METTL24: variants seen among roughly 807,000 people sequenced by gnomAD.
The protein encoded by METTL24 is methyltransferase like 24, also known as probable methyltransferase-like protein 24.
Under a neutral mutation model 32.7 loss-of-function variants are expected in METTL24, and 29 were observed. The ratio of observed to expected loss-of-function variants is 0.89; its 90% confidence interval spans 0.66 to 1.21. METTL24 has a LOEUF of 1.21. Among genes scored for constraint, METTL24 ranks in the 50% most tolerant of loss-of-function variants. The probability of loss-of-function intolerance (pLI) is 0.00; values close to 1 mark genes in which losing one functional copy is unlikely to be tolerated. For missense variants in METTL24, 439 were observed against 468.1 expected, an observed-to-expected ratio of 0.94 and a Z score of 0.57; for synonymous variants, 163 against 179.5, an observed-to-expected ratio of 0.91 and a Z score of 0.73.
intron 1 of METTL24, among the ~76,000 whole-genome samples, chr6:110,344,097 A>G (rs376770354): frequency 8.5e-5 from 13 of 152,312 alleles, no homozygotes; most frequent in African/African-American, 3.1e-4. Context: ...CTGCCCAACA[A>G]TGCAACGGTT....
At chr6:110,274,443 A>G (rs1197035889) in intron 4 of METTL24, among the ~76,000 whole-genome samples, 1 of 152,180 alleles carries the variant, frequency 6.6e-6, no homozygotes, top group Non-Finnish European at 1.5e-5. Context: ...CTCACTTATA[A>G]GTGGGACTAA....
At position 110,322,891 on chromosome 6, in the gene METTL24, A is replaced by G; in HGVS notation, c.319-19T>C. 1.9e-6 allele frequency: 3 copies of G among 1,542,174 alleles called. No homozygotes were observed. Among genetic ancestry groups the G allele is most frequent in the Non-Finnish European group, 2.6e-6 (3 of 1,149,538 alleles). ...GGGGACCCTGCAAGAGACAGAAAAC[A>G]TAGGTTGTGTGTAAGGAAGAGGAAC... On this transcript the variant is annotated intron_variant, in intron 1 of 4. Coordinates refer to ENST00000338882, the MANE Select transcript of METTL24 (RefSeq NM_001123364.3).
In METTL24 at chr6:110,249,435, G is replaced by T. The variant is rs552990688; in HGVS notation, c.787-3175C>A. 9.2e-5 allele frequency among the ~76,000 whole-genome samples: 5 copies of T among 54,452 alleles called. No homozygotes were observed. In the South Asian group the frequency reaches 2.9e-3, roughly 31 times the overall value. The allele number at this position is 54,452 out of a possible 152,430, so 35.7% of individuals were successfully genotyped here. On this transcript the variant is annotated intron_variant, in intron 4 of 4. Coordinates refer to ENST00000338882, the MANE Select transcript of METTL24 (RefSeq NM_001123364.3). Reference sequence around the variant, plus strand: ...AGTTGATCTAAATCATGCAGCCCAGGGGGAGCACAGAAGCTCTTCTCTGCC... The same window carrying T: ...AGTTGATCTAAATCATGCAGCCCAGTGGGAGCACAGAAGCTCTTCTCTGCC...
chr6:110,318,583 C>T (rs1191335870), intron 2 of METTL24, among the ~76,000 whole-genome samples: 2 of 142,932 alleles, frequency 1.4e-5, no homozygotes, highest in Admixed American at 7.4e-5. Context: ...ACCGGGAGGG[C>T]GGAGGTTGCA....
In METTL24 at chr6:110,315,423, T is replaced by C; in HGVS notation, c.476A>G (p.Lys159Arg). ...GTCGTCAAGACACACTGACCAGGGC[T>C]TGTGTGTAGGACTAGAGTCAGTAGC... The part of the protein sequence containing the change: ...SLATDSSPTH[K>R]PWSVCLDDRF... Residue 159 changes from lysine to arginine, a missense_variant, in exon 3 of 5, where the codon AAG becomes AGG. Physicochemically the swap from Lys to Arg is conservative, Grantham distance 26. Coordinates refer to ENST00000338882, the MANE Select transcript of METTL24 (RefSeq NM_001123364.3). 1 of 1,614,032 alleles carries C rather than the reference T, an allele frequency of 6.2e-7. No individual in the cohort carries two copies. The highest frequency in any genetic ancestry group is 1.1e-5 in the South Asian group (1 of 91,074).
At chr6:110,275,339 C>T (rs1480997679) in intron 4 of METTL24, among the ~76,000 whole-genome samples, 1 of 152,034 alleles carries the variant, frequency 6.6e-6, no homozygotes, top group Non-Finnish European at 1.5e-5. Context: ...CTACAAATTA[C>T]CCTCTGTGCC....
intron 3 of METTL24, among the ~76,000 whole-genome samples, chr6:110,307,041 A>G (rs1275097087): frequency 1.3e-5 from 2 of 152,210 alleles, no homozygotes; most frequent in African/African-American, 4.8e-5. Flanking sequence ...AGACCTACAA[A>G]ATGCTGCCCT....
At position 110,262,603 on chromosome 6, in the gene METTL24, C is replaced by T. The variant is rs1770756970; in HGVS notation, c.787-16343G>A. Among the ~76,000 whole-genome samples the T allele has an allele frequency of 4.6e-5, 7 of 152,322 alleles. No individual in the cohort carries two copies. The South Asian group carries it at 1.4e-3, about 32-fold the overall frequency. On this transcript the variant is annotated intron_variant, in intron 4 of 4. Transcript: ENST00000338882. ...AATCAACAGAAAAAGAGGGAATCCTCCCTAACTCATTTTATGAGGCCAGCA... is the reference window on the plus strand; with the variant it reads ...AATCAACAGAAAAAGAGGGAATCCTTCCTAACTCATTTTATGAGGCCAGCA...
Position 110,346,293 on chromosome 6 carries a change from T to C in METTL24, c.318+11662A>G, listed in dbSNP as rs549566756. Reference sequence around the variant, plus strand: ...TGTGTGCCAGAACTATCATAGTCACTGGGGATATCATGGTGAGTAAGACAG... The same window carrying C: ...TGTGTGCCAGAACTATCATAGTCACCGGGGATATCATGGTGAGTAAGACAG... On this transcript the variant is annotated intron_variant, in intron 1 of 4. Transcript: ENST00000338882. 7.9e-5 allele frequency among the ~76,000 whole-genome samples: 12 copies of C among 152,276 alleles called. No homozygotes were observed. In the South Asian group the frequency reaches 1.9e-3, roughly 24 times the overall value.
chr6:110,249,465 G>C (rs995410333), intron 4 of METTL24, among the ~76,000 whole-genome samples: 2 of 150,246 alleles, frequency 1.3e-5, no homozygotes, highest in African/African-American at 5.0e-5. Context: ...TCTGCCTTCT[G>C]ACCTGAGAGT....
At chr6:110,348,189 C>A (rs1186629556) in intron 1 of METTL24, among the ~76,000 whole-genome samples, 1 of 152,218 alleles carries the variant, frequency 6.6e-6, no homozygotes, top group Non-Finnish European at 1.5e-5. Context: ...CTCGTTTCAT[C>A]TTCACGACAA....
chr6:110,344,724 C>A (rs1056828116), intron 1 of METTL24, among the ~76,000 whole-genome samples: 2 of 152,024 alleles, frequency 1.3e-5, no homozygotes, highest in Non-Finnish European at 2.9e-5. Flanking sequence ...AACTGGCTAG[C>A]CATATACAGA....
At chr6:110,303,485 G>T (rs561925064) in intron 3 of METTL24, among the ~76,000 whole-genome samples, 1 of 152,302 alleles carries the variant, frequency 6.6e-6, no homozygotes, top group East Asian at 1.9e-4. Flanking sequence ...GTGGGGAGGG[G>T]CGTCTGCCAT....
chr6:110,292,368 T>A (rs528846318), intron 4 of METTL24, among the ~76,000 whole-genome samples: 1 of 152,230 alleles, frequency 6.6e-6, no homozygotes, highest in Non-Finnish European at 1.5e-5. Flanking sequence ...GATAATCTGA[T>A]GAAAACATTG....
chr6:110,292,588 T>G (rs1470410561), intron 4 of METTL24, among the ~76,000 whole-genome samples: 1 of 152,132 alleles, frequency 6.6e-6, no homozygotes. Context: ...TAAAATGAAT[T>G]GTCAGTATTT....
At chr6:110,326,267 C>T (rs1176198179) in intron 1 of METTL24, among the ~76,000 whole-genome samples, 1 of 152,216 alleles carries the variant, frequency 6.6e-6, no homozygotes, top group Non-Finnish European at 1.5e-5. Context: ...GGGTTCCCCG[C>T]TCAGTCTATT....
chr6:110,245,439 T>C lies in METTL24; in HGVS notation c.*507A>G, dbSNP rs1778136354. The stretch of plus-strand genomic sequence containing the variant: ...TATTGCTGCTTAGAAAGCCACAGCA[T>C]GGCCTCAGCAAAGGCTGAGAAGGAA... On this transcript the variant is annotated 3_prime_UTR_variant, in exon 5 of 5. Transcript: ENST00000338882. Among the ~76,000 whole-genome samples, 1 of 152,164 alleles carries C rather than the reference T, an allele frequency of 6.6e-6. No homozygotes were observed. Among genetic ancestry groups the C allele is most frequent in the Admixed American group, 6.6e-5 (1 of 15,264 alleles).
intron 4 of METTL24, among the ~76,000 whole-genome samples, chr6:110,284,723 G>A (rs1259683553): frequency 6.6e-6 from 1 of 152,006 alleles, no homozygotes; most frequent in Non-Finnish European, 1.5e-5. Flanking sequence ...GTATAAATCT[G>A]GTACTGTCTA....
In METTL24 at chr6:110,246,258, A is replaced by C; in HGVS notation, c.789T>G (p.Ile263Met). Residue 263 changes from isoleucine to methionine, a missense_variant and splice_region_variant, in exon 5 of 5, where the codon ATT becomes ATG. Physicochemically the swap from Ile to Met is conservative, Grantham distance 10. Transcript: ENST00000338882. ...SILNEFGHHK[I>M]DVLKADLESA... ...TTTCCAGATCTGCCTTGAGAACGTC[A>C]ATCTGTAACAAAGCAATGAAATGAG... The C allele has an allele frequency of 6.3e-7, 1 of 1,598,602 alleles. No individual in the cohort carries two copies. Among genetic ancestry groups the C allele is most frequent in the Non-Finnish European group, 8.5e-7 (1 of 1,171,672 alleles).
Sources: gnomAD v4.1 joint callset for allele counts (sites outside exome capture counted in the v4.1 genomes callset) on GRCh38, gnomAD v4.1.1 for gene constraint, MANE v1.5 for transcripts, NCBI Gene and HGNC (gene_info 2026-07-23, HGNC 2026-07-21) for gene names.